The following HJURP variants were observed in gnomAD, a reference collection of about 807,000 sequenced individuals.
HJURP encodes Holliday junction recognition protein.
Under a neutral mutation model 72.0 loss-of-function variants are expected in HJURP, and 49 were observed. The ratio of observed to expected loss-of-function variants is 0.68; its 90% CI spans 0.54 to 0.86. The LOEUF (loss-of-function observed/expected upper bound fraction) is 0.86. HJURP is among the 40% of genes least tolerant of loss of function. The pLI, the probability that HJURP is intolerant of heterozygous loss-of-function variation, is 0.00. For synonymous variants in HJURP, 357 were observed against 347.1 expected (o/e 1.03, Z -0.32); for missense variants, 908 against 936.3 (o/e 0.97, Z 0.39).
In HJURP at chr2:233,841,382, C is replaced by T; in HGVS notation, c.1398G>A (p.Met466Ile). The T allele has an allele frequency of 3.1e-6, 5 of 1,614,164 alleles. No individual in the cohort carries two copies. The South Asian group carries it at 5.5e-5, about 18-fold the overall frequency. Residue 466 changes from methionine (M) to isoleucine (I), a missense_variant, in exon 8 of 9, where the codon ATG (methionine) becomes ATA (isoleucine). By Grantham distance (10) the Met-to-Ile change is conservative. This residue lies in a region of HJURP where 598 missense variants were observed against 619.5 expected (regional missense o/e 0.97). Coordinates refer to ENST00000411486, the MANE Select transcript of HJURP (RefSeq NM_018410.5). The stretch of plus-strand genomic sequence containing the variant: ...CAGGACTCGCAGGACCCCCTCTGTA[C>T]ATGTTCATGGCCCAGGAGTCCGGGA... ...MCLPDSWAMN[M>I]YRGGPASPGG...
Position 233,849,852 on chromosome 2 carries a change from GA to G in HJURP, c.247del (p.Ser83ProfsTer2). 6.5e-7 allele frequency: 1 copy of G among 1,549,702 alleles called. No homozygotes were observed. Among genetic ancestry groups the G allele is most frequent in the Non-Finnish European group, 8.7e-7 (1 of 1,145,074 alleles). On this transcript the variant is annotated frameshift_variant, in exon 4 of 9. Transcript: ENST00000411486. LOFTEE classifies it high-confidence loss of function. The part of the protein sequence containing the change: ...ERNEGEIQDS[S>X]MKPADRTDGS... Reference sequence around the variant, plus strand: ...ATCTGTCCTGTCCGCGGGCTTCATGGAGGAGTCCTCCAAGTGCAGAAGCCAA... The same window carrying G: ...ATCTGTCCTGTCCGCGGGCTTCATGGGGAGTCCTCCAAGTGCAGAAGCCAA...
Position 233,852,273 on chromosome 2 carries a change from G to A in HJURP, c.240+292C>T, listed in dbSNP as rs540903505. Among the ~76,000 whole-genome samples, 11 of 152,300 alleles carry A rather than the reference G, an allele frequency of 7.2e-5. No homozygotes were observed. In the South Asian group the frequency reaches 2.3e-3, roughly 32 times the overall value. ...GGGCTGGCACGTGACCTTGGGGAGG[G>A]TTACCCAACTGGCCCAGCCTCTGCA... On this transcript the variant is annotated intron_variant, in intron 3 of 8. Coordinates refer to ENST00000411486, the MANE Select transcript of HJURP (RefSeq NM_018410.5).
rs1705246251 is a variant in HJURP at position 233,842,033 on chromosome 2, G to T, written c.747C>A (p.Pro249=). The T allele has an allele frequency of 6.2e-7, 1 of 1,614,214 alleles. No individual in the cohort carries two copies. The highest frequency in any genetic ancestry group is 2.2e-5 in the East Asian group (1 of 44,884). Residue 249 remains proline, a synonymous_variant, in exon 8 of 9, where the codon CCC becomes CCA. Coordinates refer to ENST00000411486, the MANE Select transcript of HJURP (RefSeq NM_018410.5). ...CATTGCAAATGTCATCATCTTCAAA[G>T]GGCTGGCTGCTTAAGAAGCTGCTGC... ...TSSSSFLSSQ[P]FEDDDICNVT... is the part of the protein sequence containing the mutation.
chr2:233,853,598 TGGGGAGGTGGCCAGC>T (rs1705546764), intron 2 of HJURP, among the ~76,000 whole-genome samples: 1 of 152,118 alleles, frequency 6.6e-6, no homozygotes, highest in African/African-American at 2.4e-5. Context: ...GCTGCCATGG[TGGGGAGGTGGCCAGC>T]GGGGATGCCA....
In HJURP at chr2:233,837,670, CAAAGAAAATGAT is replaced by C; in HGVS notation, c.2172-30_2172-19del. The C allele has an allele frequency of 6.5e-7, 1 of 1,535,628 alleles. No homozygotes were observed. The highest frequency in any genetic ancestry group is 1.9e-5 in the Admixed American group (1 of 53,362). ...TCTCTCCTCTAGGAAAAAAAAAAGA[CAAAGAAAATGAT>C]GTTAGCAAAATTCTAGAATTCCCAA... On this transcript the variant is annotated intron_variant, in intron 8 of 8. Transcript: ENST00000411486.
intron 5 of HJURP, 32 bp downstream of exon 5, chr2:233,847,363 CCT>C: frequency 6.4e-7 from 1 of 1,569,406 alleles, no homozygotes; most frequent in Non-Finnish European, 8.8e-7. Context: ...CCAAGCGCCC[CCT>C]CTGTCCATTC....
In HJURP at chr2:233,841,397, G is replaced by C; in HGVS notation, c.1383C>G (p.Ser461=). The change falls in exon 8 of 9, where the codon TCC becomes TCG. Residue 461 remains serine, a synonymous_variant. Coordinates refer to ENST00000411486, the MANE Select transcript of HJURP (RefSeq NM_018410.5). ...NQPRRMCLPD[S]WAMNMYRGGP... is the part of the protein sequence containing the mutation. Reference sequence around the variant, plus strand: ...CCCCTCTGTACATGTTCATGGCCCAGGAGTCCGGGAGGCACATCCGGCGAG... The same window carrying C: ...CCCCTCTGTACATGTTCATGGCCCACGAGTCCGGGAGGCACATCCGGCGAG... 6.2e-7 allele frequency: 1 copy of C among 1,614,138 alleles called. No individual in the cohort carries two copies. Among genetic ancestry groups the C allele is most frequent in the South Asian group, 1.1e-5 (1 of 91,078 alleles).
intron 6 of HJURP, among the ~76,000 whole-genome samples, chr2:233,844,750 T>C (rs1705314009): frequency 6.6e-6 from 1 of 152,202 alleles, no homozygotes; most frequent in Admixed American, 6.5e-5. Flanking sequence ...ACTAAGTCGG[T>C]GGTCCACAAA....
In HJURP at chr2:233,841,936, T is replaced by C; in HGVS notation, c.844A>G (p.Ile282Val). ...SRLLSTKPSSIISTKTFIMQN... is the reference protein window; with the variant it reads ...SRLLSTKPSSVISTKTFIMQN... Reference sequence around the variant, plus strand: ...ATGATGAACGTTTTGGTGGAGATGATGCTTGATGGCTTTGTGCTCAACAGC... The same window carrying C: ...ATGATGAACGTTTTGGTGGAGATGACGCTTGATGGCTTTGTGCTCAACAGC... Residue 282 changes from isoleucine to valine, a missense_variant, in exon 8 of 9, where the codon ATC becomes GTC. Around this residue, in one of 3 missense-constraint regions of HJURP, gnomAD observed 598 missense variants for 619.5 expected, o/e 0.97. Transcript: ENST00000411486. 1.9e-6 allele frequency: 3 copies of C among 1,614,234 alleles called. No homozygotes were observed. The highest frequency in any genetic ancestry group is 2.2e-5 in the East Asian group (1 of 44,888).
At position 233,854,030 on chromosome 2, in the gene HJURP, G is replaced by T. The variant is rs532457787; in HGVS notation, c.118-120C>A. 1,994 of 831,090 alleles carry T rather than the reference G, an allele frequency of 2.4e-3. 6 individuals are homozygous for T. The highest frequency in any genetic ancestry group is 3.2e-3 in the Non-Finnish European group (1,650 of 511,918). The allele number at this position is 831,090 out of a possible 1,614,324, so 51.5% of individuals were successfully genotyped here. On this transcript the variant is annotated intron_variant, in intron 1 of 8. Transcript: ENST00000411486. Reference sequence around the variant, plus strand: ...TCTGGCCTGGGGCGCCCCAAACGCGGTCTCTGCAGCGGAGCCCCCAACTCC... The same window carrying T: ...TCTGGCCTGGGGCGCCCCAAACGCGTTCTCTGCAGCGGAGCCCCCAACTCC...
At chr2:233,851,352 T>C (rs1269660439) in intron 3 of HJURP, among the ~76,000 whole-genome samples, 2 of 152,196 alleles carry the variant, frequency 1.3e-5, no homozygotes, top group Non-Finnish European at 2.9e-5. Flanking sequence ...TAAAGTTTTA[T>C]TGGAACACTG....
intron 7 of HJURP, among the ~76,000 whole-genome samples, chr2:233,842,630 A>C (rs1705260441): frequency 2.2e-5 from 2 of 92,422 alleles, no homozygotes; most frequent in South Asian, 7.5e-4. Context: ...AAAACCATAA[A>C]ATTGAACACA....
intron 6 of HJURP, among the ~76,000 whole-genome samples, chr2:233,844,632 G>A (rs1000369947): frequency 5.3e-5 from 8 of 152,188 alleles, no homozygotes; most frequent in Non-Finnish European, 8.8e-5. Context: ...AGAAGACCCA[G>A]TAGATCCGTT....
Position 233,846,756 on chromosome 2 carries a change from TCAG to T in HJURP, c.402+638_402+640del, listed in dbSNP as rs886096442. Among the ~76,000 whole-genome samples the T allele has an allele frequency of 2.0e-5, 3 of 151,974 alleles. No individual in the cohort carries two copies. The highest frequency in any genetic ancestry group is 4.4e-5 in the Non-Finnish European group (3 of 68,018). On this transcript the variant is annotated intron_variant, in intron 5 of 8. Coordinates refer to ENST00000411486, the MANE Select transcript of HJURP (RefSeq NM_018410.5). The surrounding 1 kb of genome is among the most constrained non-coding windows in gnomAD (Gnocchi z 4.3). ...AGCAATTTTAGAGGAAAACCATGCA[TCAG>T]GTATTCTGGCAGGCAACAGAGTGTG...
chr2:233,854,349 G>A lies in HJURP; in HGVS notation c.117+35C>T, dbSNP rs759394093. The A allele has an allele frequency of 3.4e-6, 5 of 1,479,444 alleles. No individual in the cohort carries two copies. The African/African-American group carries it at 4.2e-5, about 12-fold the overall frequency. The allele number at this position is 1,479,444 out of a possible 1,614,324, so 91.6% of individuals were successfully genotyped here. A position where few individuals can be genotyped will look rare whatever the true frequency, so the allele number is the denominator to read the frequency against. On this transcript the variant is annotated intron_variant, in intron 1 of 8. Coordinates refer to ENST00000411486, the MANE Select transcript of HJURP (RefSeq NM_018410.5). ...CCTCCCAGCCTCACTCCGACACGCA[G>A]GCCTCCCCTCCCGGCGGACCGGCGG...
chr2:233,838,726 A>T (rs1167777103), intron 8 of HJURP, among the ~76,000 whole-genome samples: 1 of 150,714 alleles, frequency 6.6e-6, no homozygotes, highest in Non-Finnish European at 1.5e-5. Context: ...TCAACTGAGA[A>T]GGAGACTCTT....
chr2:233,850,745 T>C (rs1186795784), intron 3 of HJURP, among the ~76,000 whole-genome samples: 3 of 152,120 alleles, frequency 2.0e-5, no homozygotes, highest in Non-Finnish European at 4.4e-5. Context: ...GTTTACAGGG[T>C]TGTTTTGTGG....
intron 1 of HJURP, among the ~76,000 whole-genome samples, 156 bp downstream of exon 1, chr2:233,854,228 T>A (rs186152490): frequency 6.6e-6 from 1 of 151,896 alleles, no homozygotes; most frequent in Non-Finnish European, 1.5e-5. Flanking sequence ...AGCCCCCAGC[T>A]CCGCCTCCAC....
At chr2:233,844,401 C>T (rs1158902815) in intron 6 of HJURP, 118 bp from the exon 7 acceptor site, 3 of 754,244 alleles carry the variant, frequency 4.0e-6, no homozygotes, top group Admixed American at 2.0e-5. Context: ...TGTCGACAAG[C>T]GTGTGAATGT....
Sources: gnomAD v4.1 joint callset for allele counts (sites outside exome capture counted in the v4.1 genomes callset) on GRCh38, gnomAD v4.1.1 for gene constraint, gnomAD v4.1.1 regional missense constraint, Gnocchi (gnomAD v3.1) non-coding constraint, MANE v1.5 for transcripts, NCBI Gene and HGNC (gene_info 2026-07-23, HGNC 2026-07-21) for gene names.